Variants in SPECC1 observed in about 807,000 individuals in gnomAD.
SPECC1 encodes sperm antigen with calponin homology and coiled-coil domains 1.
Under a neutral mutation model 104.1 loss-of-function variants are expected in SPECC1, and 62 were observed. That is an observed-to-expected ratio of 0.60 (90% CI 0.49 to 0.74). SPECC1 has a LOEUF of 0.74. Ranked by LOEUF, SPECC1 falls within the 30% of genes least tolerant of loss-of-function variation. SPECC1 has a pLI of 0.00. For missense variants in SPECC1, 1,306 were observed against 1,310.5 expected (o/e 1.00, Z 0.05); for synonymous variants, 513 against 501.6 (o/e 1.02, Z -0.30).
Position 20,257,447 on chromosome 17 carries a change from A to G in SPECC1, c.2681-4A>G. 1 of 1,564,308 alleles carries G rather than the reference A, an allele frequency of 6.4e-7. No homozygotes were observed. Among genetic ancestry groups the G allele is most frequent in the Non-Finnish European group, 8.6e-7 (1 of 1,161,278 alleles). On this transcript the variant is annotated splice_polypyrimidine_tract_variant and splice_region_variant and intron_variant, in intron 10 of 14. Coordinates refer to ENST00000395527, the MANE Select transcript of SPECC1 (RefSeq NM_001243439.2). ...AATGAGTGATTATGTGGTTGTTCCC[A>G]CAGATATTCTAAAGGGAAGGACTGA...
chr17:20,172,612 C>T (rs1005231129), intron 3 of SPECC1, among the ~76,000 whole-genome samples: 10 of 151,946 alleles, frequency 6.6e-5, no homozygotes, highest in African/African-American at 1.9e-4. Context: ...CGTGGGAGGA[C>T]GTGAGATGGG....
chr17:20,130,224 G>A (rs933043043), intron 3 of SPECC1, among the ~76,000 whole-genome samples: 1 of 152,108 alleles, frequency 6.6e-6, no homozygotes, highest in Non-Finnish European at 1.5e-5. Flanking sequence ...TGTTGGAAAG[G>A]GTATCCTTTC....
intron 12 of SPECC1, among the ~76,000 whole-genome samples, chr17:20,289,058 T>C (rs556688000): frequency 6.6e-6 from 1 of 152,138 alleles, no homozygotes; most frequent in Admixed American, 6.5e-5. Flanking sequence ...GCTGGGATTA[T>C]AGGCATGAGC....
chr17:20,204,241 G>GATT, intron 3 of SPECC1, 92 bp from the exon 4 acceptor site: 1 of 1,432,534 alleles, frequency 7.0e-7, no homozygotes, highest in South Asian at 1.4e-5. Context: ...GACAGCCACT[G>GATT]TCCACTGTGC....
chr17:20,159,491 G>A (rs1644126365), intron 3 of SPECC1, among the ~76,000 whole-genome samples: 1 of 152,240 alleles, frequency 6.6e-6, no homozygotes, highest in African/African-American at 2.4e-5. Context: ...GAGACCCGCT[G>A]TAGGCGTTGA....
chr17:20,267,610 ATTGT>A (rs1488330937), intron 12 of SPECC1, among the ~76,000 whole-genome samples: 4 of 152,018 alleles, frequency 2.6e-5, no homozygotes, highest in Non-Finnish European at 5.9e-5. Context: ...AAGGACTCTG[ATTGT>A]TCTTGGTGGT....
At chr17:20,139,954 G>T (rs2030561369) in intron 3 of SPECC1, among the ~76,000 whole-genome samples, 1 of 152,178 alleles carries the variant, frequency 6.6e-6, no homozygotes, top group African/African-American at 2.4e-5. Context: ...GATTACAGGT[G>T]TGAGCCACCG....
At chr17:20,069,751 C>T (rs900869790) in intron 1 of SPECC1, among the ~76,000 whole-genome samples, 1 of 152,034 alleles carries the variant, frequency 6.6e-6, no homozygotes, top group Non-Finnish European at 1.5e-5. Flanking sequence ...TTAGTTTTTT[C>T]AATGACATTT....
chr17:20,251,224 C>CAA lies in SPECC1; in HGVS notation c.2599-2265_2599-2264dup, dbSNP rs58071050. 6.7e-4 allele frequency among the ~76,000 whole-genome samples: 34 copies of CAA among 51,018 alleles called. 3 individuals carry two copies. Among genetic ancestry groups the CAA allele is most frequent in the Middle Eastern group, 0.018 (2 of 110 alleles). The allele number at this position is 51,018 out of a possible 152,430, so 33.5% of individuals were successfully genotyped here. A position where few individuals can be genotyped will look rare whatever the true frequency, so the allele number is the denominator to read the frequency against. On this transcript the variant is annotated intron_variant, in intron 9 of 14. Transcript: ENST00000395527. ...TGGGCGACAGAGTAAGACTCTATCT[C>CAA]AAAAAAAAAAAAAAAAAGCATATGG...
At chr17:20,244,912 C>T (rs2039356139) in intron 7 of SPECC1, among the ~76,000 whole-genome samples, 2 of 152,154 alleles carry the variant, frequency 1.3e-5, no homozygotes, top group South Asian at 4.1e-4. Flanking sequence ...CCAAAGTCCC[C>T]TATATGAGGA....
At chr17:20,140,647 G>A (rs1296014194) in intron 3 of SPECC1, among the ~76,000 whole-genome samples, 1 of 152,218 alleles carries the variant, frequency 6.6e-6, no homozygotes, top group Non-Finnish European at 1.5e-5. Flanking sequence ...GAGTGCCCAG[G>A]TGTCCCAGAG....
intron 4 of SPECC1, among the ~76,000 whole-genome samples, chr17:20,210,428 A>G (rs1302924514): frequency 6.6e-6 from 1 of 152,186 alleles, no homozygotes; most frequent in African/African-American, 2.4e-5. Context: ...ACAGCTCAGC[A>G]TTGCCAAGCA....
chr17:20,253,383 C>T (rs1004900918), intron 9 of SPECC1, 122 bp from the exon 10 acceptor site: 1 of 862,298 alleles, frequency 1.2e-6, no homozygotes, highest in Non-Finnish European at 1.8e-6. Context: ...TAAAAACTCC[C>T]CTGGTTATTC....
intron 12 of SPECC1, among the ~76,000 whole-genome samples, chr17:20,284,120 T>A (rs1423391797): frequency 6.6e-6 from 1 of 152,224 alleles, no homozygotes; most frequent in Non-Finnish European, 1.5e-5. Flanking sequence ...CTTAGCCATC[T>A]GGAACTCATC....
intron 9 of SPECC1, among the ~76,000 whole-genome samples, chr17:20,250,423 G>C (rs760708653): frequency 2.0e-5 from 3 of 152,074 alleles, no homozygotes; most frequent in Non-Finnish European, 2.9e-5. Flanking sequence ...TTGTAAATGG[G>C]TACATCACTA....
At chr17:20,233,933 C>T (rs1281189516) in intron 7 of SPECC1, among the ~76,000 whole-genome samples, 1 of 152,140 alleles carries the variant, frequency 6.6e-6, no homozygotes, top group African/African-American at 2.4e-5. Flanking sequence ...AAGACAAGTC[C>T]TGAGTTTCTA....
intron 1 of SPECC1, among the ~76,000 whole-genome samples, chr17:20,076,605 G>C (rs1416997569): frequency 6.6e-6 from 1 of 151,976 alleles, no homozygotes; most frequent in Non-Finnish European, 1.5e-5. Flanking sequence ...TTCCTTTTTT[G>C]TGTTTTGCTA....
chr17:20,143,801 G>A (rs1056072627), intron 3 of SPECC1, among the ~76,000 whole-genome samples: 1 of 152,214 alleles, frequency 6.6e-6, no homozygotes, highest in South Asian at 2.1e-4. Flanking sequence ...TCCTTGAGAG[G>A]AGGCCTGCAG....
chr17:20,219,438 G>GT (rs2037720105), intron 4 of SPECC1, among the ~76,000 whole-genome samples: 1 of 152,126 alleles, frequency 6.6e-6, no homozygotes, highest in Admixed American at 6.5e-5. Context: ...GTGACATTCA[G>GT]TATGTTTTCA....
Sources: gnomAD v4.1 joint callset for allele counts (sites outside exome capture counted in the v4.1 genomes callset) on GRCh38, gnomAD v4.1.1 for gene constraint, MANE v1.5 for transcripts, NCBI Gene and HGNC (gene_info 2026-07-23, HGNC 2026-07-21) for gene names.